EYS: variants seen among roughly 807,000 people sequenced by gnomAD.
EYS encodes protein eyes shut homolog.
In EYS, 250 loss-of-function variants were observed where a neutral mutation model predicts 282.1. The observed-to-expected ratio is 0.89, with a 90% CI of 0.80 to 0.98. The LOEUF is 0.98. Ranked by LOEUF, EYS falls within the 50% of genes least tolerant of loss-of-function variation. The probability of loss-of-function intolerance (pLI) is 0.00; values close to 1 mark genes in which losing one functional copy is unlikely to be tolerated. For synonymous variants in EYS, 1,355 were observed against 1,282.9 expected (o/e 1.06, Z -1.20); for missense variants, 4,016 against 3,709.0 (o/e 1.08, Z -2.15).
chr6:65,234,281 C>T (rs1361966027), intron 12 of EYS, among the ~76,000 whole-genome samples: 2 of 152,128 alleles, frequency 1.3e-5, no homozygotes, highest in East Asian at 3.9e-4. Context: ...TACTCCGGCT[C>T]TAAGAGTAAG....
intron 13 of EYS, among the ~76,000 whole-genome samples, chr6:65,031,858 G>GA (rs34960933): frequency 6.7e-5 from 10 of 149,404 alleles, no homozygotes; most frequent in South Asian, 2.1e-4. Flanking sequence ...AAAGTTAGCA[G>GA]AAAAAAAAAT....
At chr6:64,483,927 T>G (rs1337512) in intron 26 of EYS, among the ~76,000 whole-genome samples, 47,935 of 151,556 alleles carry the variant, frequency 0.32, 7,679 homozygotes, top group East Asian at 0.5. Flanking sequence ...TTACAATTTT[T>G]CAGAGGCTTT....
intron 13 of EYS, among the ~76,000 whole-genome samples, chr6:64,999,152 T>C (rs772716403): frequency 1.8e-4 from 27 of 152,130 alleles, no homozygotes; most frequent in Non-Finnish European, 3.8e-4. Flanking sequence ...TAAAAATTAA[T>C]AAATGGACTA....
chr6:65,310,480 T>C (rs1769127163), intron 11 of EYS, among the ~76,000 whole-genome samples: 2 of 151,968 alleles, frequency 1.3e-5, no homozygotes, highest in African/African-American at 2.4e-5. Context: ...CCTCACACAC[T>C]ATGCCAGGGT....
intron 14 of EYS, among the ~76,000 whole-genome samples, chr6:64,963,404 C>T (rs2150107238): frequency 6.6e-6 from 1 of 152,236 alleles, no homozygotes; most frequent in African/African-American, 2.4e-5. Flanking sequence ...ATTTAATTAT[C>T]CTTTACCTCT....
At chr6:64,103,134 A>T (rs1772891053) in intron 31 of EYS, among the ~76,000 whole-genome samples, 1 of 152,196 alleles carries the variant, frequency 6.6e-6, no homozygotes, top group Non-Finnish European at 1.5e-5. Flanking sequence ...GGTTTGAATC[A>T]AACTCCTAGA....
chr6:64,581,049 C>A (rs770218938), intron 26 of EYS, among the ~76,000 whole-genome samples: 42 of 151,892 alleles, frequency 2.8e-4, no homozygotes, highest in Non-Finnish European at 1.2e-4. Context: ...ACAGGTGAAA[C>A]ACAATAAATA....
intron 22 of EYS, among the ~76,000 whole-genome samples, chr6:64,641,251 T>G (rs565080184): frequency 6.6e-6 from 1 of 152,210 alleles, no homozygotes; most frequent in South Asian, 2.1e-4. Context: ...AGAGAGAGTT[T>G]GTACAGGGAA....
At chr6:64,720,335 CT>C (rs1771536337) in intron 22 of EYS, among the ~76,000 whole-genome samples, 1 of 152,156 alleles carries the variant, frequency 6.6e-6, no homozygotes. Flanking sequence ...TACATCAGTT[CT>C]ACCCAGATTA....
chr6:64,421,230 C>G (rs543565277), intron 28 of EYS, among the ~76,000 whole-genome samples: 2 of 152,132 alleles, frequency 1.3e-5, no homozygotes, highest in East Asian at 3.9e-4. Flanking sequence ...AGGAGAAGAA[C>G]GAGAGCAGTG....
intron 12 of EYS, among the ~76,000 whole-genome samples, chr6:65,059,519 C>T (rs770384931): frequency 1.3e-5 from 2 of 152,106 alleles, no homozygotes; most frequent in African/African-American, 2.4e-5. Context: ...CATATGCTAT[C>T]TTCCTTACAC....
At chr6:64,018,412 C>T (rs1768998966) in intron 33 of EYS, among the ~76,000 whole-genome samples, 1 of 152,110 alleles carries the variant, frequency 6.6e-6, no homozygotes, top group Admixed American at 6.6e-5. Flanking sequence ...CTCATCAAAT[C>T]TAAACTCTTT....
At chr6:64,695,590 T>TG (rs1212580361) in intron 22 of EYS, among the ~76,000 whole-genome samples, 4 of 150,558 alleles carry the variant, frequency 2.7e-5, no homozygotes, top group Non-Finnish European at 5.9e-5. Flanking sequence ...CTTTTAACTT[T>TG]TTTTTTTTTT....
At chr6:64,185,150 T>C (rs1429155864) in intron 31 of EYS, among the ~76,000 whole-genome samples, 1 of 152,046 alleles carries the variant, frequency 6.6e-6, no homozygotes, top group Non-Finnish European at 1.5e-5. Flanking sequence ...CTCTTGAACT[T>C]GTCGGGCTCC....
At chr6:64,278,787 A>C (rs1343145470) in intron 30 of EYS, among the ~76,000 whole-genome samples, 2 of 151,658 alleles carry the variant, frequency 1.3e-5, no homozygotes, top group East Asian at 3.9e-4. Context: ...TTTCTGAGAT[A>C]GGGTCTCGCT....
intron 22 of EYS, among the ~76,000 whole-genome samples, chr6:64,782,248 A>C: frequency 6.6e-6 from 1 of 152,242 alleles, no homozygotes; most frequent in East Asian, 1.9e-4. Context: ...TTCAATGTAG[A>C]TTACAAATTT....
intron 22 of EYS, among the ~76,000 whole-genome samples, chr6:64,664,475 T>C (rs1318045996): frequency 2.0e-5 from 3 of 152,134 alleles, no homozygotes; most frequent in Admixed American, 6.5e-5. Flanking sequence ...TGTCTCTCAA[T>C]ATGATATGTC....
intron 12 of EYS, among the ~76,000 whole-genome samples, chr6:65,091,461 A>AAATAAATAAATT (rs1304096766): frequency 6.6e-6 from 1 of 150,878 alleles, no homozygotes; most frequent in Non-Finnish European, 1.5e-5. Context: ...AGAAATAAAT[A>AAATAAATAAATT]AATAAATAAA....
intron 5 of EYS, among the ~76,000 whole-genome samples, chr6:65,422,507 T>G (rs1034733600): frequency 6.6e-6 from 1 of 151,844 alleles, no homozygotes; most frequent in East Asian, 1.9e-4. Context: ...GAAAGAAATT[T>G]AATAAGAAAA....
Sources: gnomAD v4.1 joint callset for allele counts (sites outside exome capture counted in the v4.1 genomes callset) on GRCh38, gnomAD v4.1.1 for gene constraint, MANE v1.5 for transcripts, NCBI Gene and HGNC (gene_info 2026-07-23, HGNC 2026-07-21) for gene names.